GLT1D1: variants seen among roughly 807,000 people sequenced by gnomAD.
The protein encoded by GLT1D1 is glycosyltransferase 1 domain containing 1, also known as glycosyltransferase 1 domain-containing protein 1.
In GLT1D1, 21 loss-of-function variants were observed where a neutral mutation model predicts 28.7. The observed-to-expected ratio is 0.73, with a 90% CI of 0.52 to 1.05. The LOEUF (loss-of-function observed/expected upper bound fraction) is 1.05. Among genes scored for constraint, GLT1D1 ranks in the 50% least tolerant of loss-of-function variants. The pLI is 0.00. For synonymous variants in GLT1D1, 147 were observed against 124.8 expected, an observed-to-expected ratio of 1.18 and a Z score of -1.19; for missense variants, 343 against 330.6, an observed-to-expected ratio of 1.04 and a Z score of -0.29.
In GLT1D1 at chr12:128,938,325, C is replaced by CA. The variant is rs370390272; in HGVS notation, c.376-6994dup. On this transcript the variant is annotated intron_variant, in intron 4 of 7. Transcript: ENST00000281703. ...TATTAATGGCAACAACAGCAATAAA[C>CA]AAAAAAATTGTGTATGGCTATAATT... Among the ~76,000 whole-genome samples the CA allele has an allele frequency of 8.2e-3, 1,246 of 152,210 alleles. 22 individuals are homozygous for CA. Among genetic ancestry groups the CA allele is most frequent in the African/African-American group, 0.029 (1,191 of 41,544 alleles).
intron 7 of GLT1D1, among the ~76,000 whole-genome samples, chr12:128,960,638 T>A (rs1565915040): frequency 1.3e-5 from 2 of 151,966 alleles, no homozygotes; most frequent in East Asian, 3.9e-4. Context: ...GTGCATGTAA[T>A]CCTGGCTACA....
intron 3 of GLT1D1, among the ~76,000 whole-genome samples, chr12:128,892,382 G>A (rs983328495): frequency 6.6e-6 from 1 of 152,118 alleles, no homozygotes; most frequent in African/African-American, 2.4e-5. Flanking sequence ...TTTTATTACA[G>A]GTTTTCTTAT....
At chr12:128,871,785 C>T (rs1956694695) in intron 1 of GLT1D1, among the ~76,000 whole-genome samples, 1 of 152,052 alleles carries the variant, frequency 6.6e-6, no homozygotes, top group Non-Finnish European at 1.5e-5. Flanking sequence ...CTCCTAAATG[C>T]ACACCAGTTA....
At chr12:128,905,796 T>C (rs1432509380) in intron 4 of GLT1D1, among the ~76,000 whole-genome samples, 1 of 151,824 alleles carries the variant, frequency 6.6e-6, no homozygotes, top group Non-Finnish European at 1.5e-5. Flanking sequence ...ATTACTATGT[T>C]GGTTTGTGAT....
chr12:128,900,659 A>G (rs1342402361), intron 4 of GLT1D1, among the ~76,000 whole-genome samples: 2 of 148,570 alleles, frequency 1.3e-5, no homozygotes, highest in Non-Finnish European at 3.0e-5. Context: ...TTTTTGAGAC[A>G]GAGTCTCACT....
intron 4 of GLT1D1, among the ~76,000 whole-genome samples, chr12:128,942,167 A>C (rs1875366496): frequency 6.6e-6 from 1 of 151,686 alleles, no homozygotes; most frequent in Admixed American, 6.6e-5. Flanking sequence ...AGCAGGAAGG[A>C]AGGTGGGGTG....
intron 4 of GLT1D1, among the ~76,000 whole-genome samples, chr12:128,939,852 C>T (rs1201349556): frequency 7.1e-6 from 1 of 140,170 alleles, no homozygotes; most frequent in Non-Finnish European, 1.6e-5. Flanking sequence ...CCCCCACCGC[C>T]GATCCAATCA....
At chr12:128,978,813 G>GA (rs1336147503) in intron 7 of GLT1D1, among the ~76,000 whole-genome samples, 1 of 152,156 alleles carries the variant, frequency 6.6e-6, no homozygotes, top group Non-Finnish European at 1.5e-5. Flanking sequence ...ACAAGGGGTG[G>GA]ATTATTCATG....
At chr12:128,946,469 C>A (rs1280994986) in intron 5 of GLT1D1, among the ~76,000 whole-genome samples, 1 of 151,798 alleles carries the variant, frequency 6.6e-6, no homozygotes, top group Non-Finnish European at 1.5e-5. Flanking sequence ...GCCTCAGCCT[C>A]CTGAGTAGCT....
At chr12:128,965,615 T>C (rs1258497263) in intron 7 of GLT1D1, among the ~76,000 whole-genome samples, 4 of 148,934 alleles carry the variant, frequency 2.7e-5, no homozygotes, top group Non-Finnish European at 5.9e-5. Context: ...CTCACACCTG[T>C]AATCCTAGCA....
chr12:128,939,131 G>A (rs144531391), intron 4 of GLT1D1, among the ~76,000 whole-genome samples: 3 of 152,244 alleles, frequency 2.0e-5, no homozygotes, highest in Non-Finnish European at 2.9e-5. Flanking sequence ...TTCTGCTGGT[G>A]AGGAGTGTGG....
intron 4 of GLT1D1, among the ~76,000 whole-genome samples, chr12:128,923,143 C>T (rs768246002): frequency 1.2e-4 from 18 of 152,086 alleles, no homozygotes; most frequent in South Asian, 4.1e-4. Context: ...AAAGTGGTGT[C>T]GCCATAAGTC....
At chr12:128,920,842 A>G (rs1432640787) in intron 4 of GLT1D1, among the ~76,000 whole-genome samples, 1 of 152,242 alleles carries the variant, frequency 6.6e-6, no homozygotes, top group East Asian at 1.9e-4. Flanking sequence ...GATAACCTAG[A>G]TATTAGAGGA....
At chr12:128,893,768 T>C (rs1675704473) in intron 3 of GLT1D1, among the ~76,000 whole-genome samples, 1 of 152,108 alleles carries the variant, frequency 6.6e-6, no homozygotes, top group African/African-American at 2.4e-5. Context: ...GTATTTTTAG[T>C]GAAGATGGAG....
At chr12:128,957,052 G>A (rs1325076853) in intron 6 of GLT1D1, among the ~76,000 whole-genome samples, 2 of 152,208 alleles carry the variant, frequency 1.3e-5, no homozygotes, top group East Asian at 1.9e-4. Context: ...CCAGACCTTC[G>A]GAAATGGAAA....
intron 2 of GLT1D1, among the ~76,000 whole-genome samples, chr12:128,883,701 G>C (rs1957117492): frequency 6.6e-6 from 1 of 152,072 alleles, no homozygotes; most frequent in African/African-American, 2.4e-5. Flanking sequence ...TACTGATTTA[G>C]GAATAAGACC....
intron 2 of GLT1D1, among the ~76,000 whole-genome samples, chr12:128,885,578 G>T (rs1228462013): frequency 1.3e-5 from 2 of 152,182 alleles, no homozygotes; most frequent in East Asian, 3.8e-4. Flanking sequence ...CAGTCACTGA[G>T]TAGCTTGGCC....
intron 4 of GLT1D1, among the ~76,000 whole-genome samples, chr12:128,935,855 C>T (rs1347053445): frequency 3.9e-5 from 6 of 152,144 alleles, no homozygotes; most frequent in East Asian, 1.9e-4. Context: ...TAGTCCCGTA[C>T]GAAATCCACG....
chr12:128,881,110 G>T (rs989774435), intron 2 of GLT1D1, among the ~76,000 whole-genome samples: 1 of 150,874 alleles, frequency 6.6e-6, no homozygotes, highest in African/African-American at 2.4e-5. Context: ...TGTAGTTCCA[G>T]CTACTGGGGA....
Sources: gnomAD v4.1 joint callset for allele counts (sites outside exome capture counted in the v4.1 genomes callset) on GRCh38, gnomAD v4.1.1 for gene constraint, MANE v1.5 for transcripts, NCBI Gene and HGNC (gene_info 2026-07-23, HGNC 2026-07-21) for gene names.